ROBO1: variants seen among roughly 807,000 people sequenced by gnomAD.
The protein encoded by ROBO1 is roundabout homolog 1.
Under a neutral mutation model 195.9 loss-of-function variants are expected in ROBO1, and 149 were observed. That is an observed-to-expected ratio of 0.76 (90% CI 0.67 to 0.87). The LOEUF is 0.87. Ranked by LOEUF, ROBO1 falls within the 40% of genes least tolerant of loss-of-function variation. ROBO1 has a pLI of 0.00. For missense variants in ROBO1, 1,933 were observed against 2,068.3 expected, an observed-to-expected ratio of 0.93 and a Z score of 1.27; for synonymous variants, 816 against 733.2, an observed-to-expected ratio of 1.11 and a Z score of -1.82.
intron 27 of ROBO1, among the ~76,000 whole-genome samples, chr3:78,615,031 G>T (rs1033881713): frequency 5.3e-5 from 8 of 151,980 alleles, no homozygotes; most frequent in African/African-American, 1.4e-4. Flanking sequence ...GTTTTAAACC[G>T]CAGTGCTTTT....
chr3:79,575,415 AAT>A (rs1224275259), intron 2 of ROBO1, among the ~76,000 whole-genome samples: 84 of 127,876 alleles, frequency 6.6e-4, no homozygotes, highest in African/African-American at 2.4e-3. Flanking sequence ...ATAGATAACA[AAT>A]ATATATATAA....
intron 2 of ROBO1, among the ~76,000 whole-genome samples, chr3:79,176,919 C>T (rs1039510738): frequency 6.6e-6 from 1 of 152,118 alleles, no homozygotes; most frequent in Non-Finnish European, 1.5e-5. Context: ...TATATTAGCT[C>T]ATAGTGCCAG....
rs1224964823 is a variant in ROBO1, at chr3:78,631,171, C to T, written c.3616G>A (p.Val1206Ile). 1 of 1,611,144 alleles carries T rather than the reference C, an allele frequency of 6.2e-7. No homozygotes were observed. The highest frequency in any genetic ancestry group is 8.5e-7 in the Non-Finnish European group (1 of 1,178,608). Residue 1206 changes from valine (V) to isoleucine (I), a missense_variant, in exon 25 of 31, where the codon GTA becomes ATA. Physicochemically the swap from Val to Ile is conservative, Grantham distance 29 (BLOSUM62 3). Transcript: ENST00000464233. ...GGATGCTCCTCTTACCTTTCATCTA[C>T]AGAAATGTTGTACTCTTCGCTATTG... is the stretch of plus-strand genomic sequence containing the variant. ...HSNSEEYNISVDESYDQEMPC... is the reference protein window; with the variant it reads ...HSNSEEYNISIDESYDQEMPC...
At chr3:78,987,283 C>T (rs529169408) in intron 3 of ROBO1, among the ~76,000 whole-genome samples, 2 of 151,752 alleles carry the variant, frequency 1.3e-5, no homozygotes, top group Non-Finnish European at 2.9e-5. Context: ...ACCTATACTA[C>T]AAAATTAAGA....
intron 8 of ROBO1, among the ~76,000 whole-genome samples, chr3:78,695,423 A>T (rs1384032173): frequency 6.6e-6 from 1 of 152,066 alleles, no homozygotes; most frequent in African/African-American, 2.4e-5. Flanking sequence ...CAGGAGATCG[A>T]GACCATCCTG....
At chr3:78,731,369 C>G (rs1027477210) in intron 5 of ROBO1, among the ~76,000 whole-genome samples, 34 of 152,114 alleles carry the variant, frequency 2.2e-4, no homozygotes, top group Middle Eastern at 3.4e-3. Context: ...AGAGTTCCAG[C>G]ATTTAGGGAT....
At chr3:79,024,811 G>A (rs370373543) in intron 3 of ROBO1, among the ~76,000 whole-genome samples, 7 of 152,218 alleles carry the variant, frequency 4.6e-5, no homozygotes, top group East Asian at 3.9e-4. Context: ...TGCATATGAC[G>A]GTTACTTGGC....
At chr3:79,548,888 A>G (rs1048726182) in intron 2 of ROBO1, among the ~76,000 whole-genome samples, 2 of 152,158 alleles carry the variant, frequency 1.3e-5, no homozygotes, top group Non-Finnish European at 2.9e-5. Context: ...CACTGAGAGT[A>G]CCAATCAGTA....
At chr3:79,238,668 T>C (rs2082457283) in intron 2 of ROBO1, among the ~76,000 whole-genome samples, 3 of 152,192 alleles carry the variant, frequency 2.0e-5, no homozygotes, top group Non-Finnish European at 4.4e-5. Context: ...TTGATCCAGG[T>C]GAGTTATGAT....
chr3:79,556,941 A>C lies in ROBO1; in HGVS notation c.88+32883T>G, dbSNP rs189444682. On this transcript the variant is annotated intron_variant, in intron 2 of 30. Coordinates refer to ENST00000464233, the MANE Select transcript of ROBO1 (RefSeq NM_002941.4). Reference sequence around the variant, plus strand: ...ATTTTTTACTTTATTTTTATTTTTTATCTCATTTTATATTATTATGGACTT... The same window carrying C: ...ATTTTTTACTTTATTTTTATTTTTTCTCTCATTTTATATTATTATGGACTT... 4.2e-3 allele frequency among the ~76,000 whole-genome samples: 625 copies of C among 149,814 alleles called. 2 individuals carry two copies. Among genetic ancestry groups the C allele is most frequent in the African/African-American group, 0.013 (537 of 41,132 alleles).
chr3:79,408,151 G>A (rs1395968771), intron 2 of ROBO1, among the ~76,000 whole-genome samples: 9 of 151,942 alleles, frequency 5.9e-5, no homozygotes, highest in East Asian at 3.9e-4. Context: ...CCACGAGGCC[G>A]AGGTTGTGGT....
In ROBO1 at chr3:79,760,336, T is replaced by C. The variant is rs1576329525; in HGVS notation, c.-51+7416A>G. ...TTTATGACTTCACCATAAAGATTGGTTTCCCAAAACAAGATGGAAAAAGGA... is the reference window on the plus strand; with the variant it reads ...TTTATGACTTCACCATAAAGATTGGCTTCCCAAAACAAGATGGAAAAAGGA... On this transcript the variant is annotated intron_variant, in intron 1 of 30. Coordinates refer to ENST00000464233, the MANE Select transcript of ROBO1 (RefSeq NM_002941.4). Among the ~76,000 whole-genome samples the C allele has an allele frequency of 2.1e-5, 3 of 145,026 alleles. No individual in the cohort carries two copies. In the East Asian group the frequency reaches 6.0e-4, roughly 29 times the overall value.
intron 3 of ROBO1, chr3:79,019,017 T>G: frequency 1.0e-6 from 1 of 988,814 alleles, no homozygotes; most frequent in East Asian, 1.1e-4. Context: ...GTGCCGGGAG[T>G]GTGACTGGGT....
chr3:78,698,892 G>C (rs1163958484), intron 8 of ROBO1, among the ~76,000 whole-genome samples: 1 of 152,140 alleles, frequency 6.6e-6, no homozygotes, highest in Non-Finnish European at 1.5e-5. Context: ...CAAAAAAGCA[G>C]TTAACAAACG....
At chr3:79,032,848 T>G (rs1358807330) in intron 3 of ROBO1, among the ~76,000 whole-genome samples, 1 of 152,026 alleles carries the variant, frequency 6.6e-6, no homozygotes, top group African/African-American at 2.4e-5. Flanking sequence ...AGAAAATCCC[T>G]CCCCTATGAA....
chr3:78,772,518 A>G (rs1267410770), intron 4 of ROBO1, among the ~76,000 whole-genome samples: 2 of 152,118 alleles, frequency 1.3e-5, no homozygotes, highest in African/African-American at 2.4e-5. Context: ...GAGATTATCA[A>G]TGATTTCAGT....
intron 14 of ROBO1, among the ~76,000 whole-genome samples, chr3:78,662,349 C>T (rs1475123553): frequency 1.3e-5 from 2 of 151,664 alleles, no homozygotes; most frequent in Non-Finnish European, 2.9e-5. Flanking sequence ...TATAGAAAGG[C>T]AAAAAGAGCA....
chr3:79,112,558 T>G lies in ROBO1; in HGVS notation c.172+12898A>C, dbSNP rs569762711. 5.9e-5 allele frequency among the ~76,000 whole-genome samples: 9 copies of G among 152,276 alleles called. No homozygotes were observed. In the South Asian group the frequency reaches 8.3e-4, roughly 14 times the overall value. On this transcript the variant is annotated intron_variant, in intron 3 of 30. Transcript: ENST00000464233. ...TTTAGAGATTATTACTTCCTAGAAT[T>G]CAAATACCTGTGATTTACCAAGGTC...
At chr3:79,210,584 G>A (rs2081951348) in intron 2 of ROBO1, among the ~76,000 whole-genome samples, 1 of 152,106 alleles carries the variant, frequency 6.6e-6, no homozygotes, top group Non-Finnish European at 1.5e-5. Context: ...CTTTTCATAT[G>A]AGAAAAGGAA....
Sources: gnomAD v4.1 joint callset for allele counts (sites outside exome capture counted in the v4.1 genomes callset) on GRCh38, gnomAD v4.1.1 for gene constraint, MANE v1.5 for transcripts, NCBI Gene and HGNC (gene_info 2026-07-23, HGNC 2026-07-21) for gene names.